The following HSD17B6 variants were observed in gnomAD, a reference collection of about 807,000 sequenced individuals.
HSD17B6 encodes hydroxysteroid 17-beta dehydrogenase 6.
HSD17B6 carries 16 observed loss-of-function variants against 26.4 expected under a neutral mutation model. The ratio of observed to expected loss-of-function variants is 0.61; its 90% confidence interval spans 0.41 to 0.92. HSD17B6 has a LOEUF of 0.92. HSD17B6 is among the 40% of genes least tolerant of loss of function. The probability of loss-of-function intolerance (pLI) is 0.00; values close to 1 mark genes in which losing one functional copy is unlikely to be tolerated. For missense variants in HSD17B6, 357 were observed against 386.1 expected (o/e 0.92, Z 0.63); for synonymous variants, 139 against 153.0 (o/e 0.91, Z 0.68).
chr12:56,782,933 T>C (rs1307948265), intron 3 of HSD17B6, among the ~76,000 whole-genome samples: 2 of 152,152 alleles, frequency 1.3e-5, no homozygotes, highest in South Asian at 2.1e-4. Flanking sequence ...ACACAGCACA[T>C]GTTTCAGAGA....
At chr12:56,765,144 A>T (rs998644014) in intron 1 of HSD17B6, among the ~76,000 whole-genome samples, 4 of 151,022 alleles carry the variant, frequency 2.6e-5, no homozygotes, top group South Asian at 4.2e-4. Flanking sequence ...ATTTAAGAAA[A>T]TTTTTTTTTA....
chr12:56,775,485 T>C (rs1054524866), intron 2 of HSD17B6, among the ~76,000 whole-genome samples: 3 of 152,212 alleles, frequency 2.0e-5, no homozygotes, highest in Non-Finnish European at 4.4e-5. Flanking sequence ...ACTTAAAATA[T>C]AGGCATTTCT....
chr12:56,764,099 A>G (rs1344025797), intron 1 of HSD17B6, among the ~76,000 whole-genome samples: 1 of 150,268 alleles, frequency 6.7e-6, no homozygotes, highest in Non-Finnish European at 1.5e-5. Flanking sequence ...AAGAAGAAAG[A>G]AAAAAAGAAA....
chr12:56,767,674 TTA>T (rs1954368064), intron 1 of HSD17B6, among the ~76,000 whole-genome samples: 1 of 144,560 alleles, frequency 6.9e-6, no homozygotes, highest in South Asian at 2.1e-4. Context: ...AGTGTATATA[TTA>T]TATATACACA....
chr12:56,784,591 C>T (rs1954833533), intron 3 of HSD17B6, among the ~76,000 whole-genome samples: 1 of 152,082 alleles, frequency 6.6e-6, no homozygotes. Context: ...GCAGGAGAAT[C>T]AGGCAGGGAG....
intron 2 of HSD17B6, among the ~76,000 whole-genome samples, chr12:56,776,029 G>A (rs1458497499): frequency 2.6e-5 from 4 of 152,114 alleles, no homozygotes; most frequent in Non-Finnish European, 5.9e-5. Flanking sequence ...GGCTTCAAGC[G>A]ATTCGCCTTT....
At chr12:56,776,095 T>G (rs1288759113) in intron 2 of HSD17B6, among the ~76,000 whole-genome samples, 1 of 151,172 alleles carries the variant, frequency 6.6e-6, no homozygotes, top group East Asian at 2.0e-4. Context: ...CGGGCTAATT[T>G]TTATATTTTT....
rs1401397544 is a variant in HSD17B6 at position 56,787,137 on chromosome 12, TGAAG to T, written c.755_758del (p.Glu252GlyfsTer3). On this transcript the variant is annotated frameshift_variant, in exon 5 of 5. Transcript: ENST00000322165. LOFTEE classifies it low-confidence loss of function (END_TRUNC). Reference sequence around the variant, plus strand: ...TTTTTGTATACAGTTTACAATATCATGAAGGAAGGGCTGTTGAATTGTAGCACAA... The same window carrying T: ...TTTTTGTATACAGTTTACAATATCATGAAGGGCTGTTGAATTGTAGCACAA... The T allele has an allele frequency of 1.9e-6, 3 of 1,613,128 alleles. No individual in the cohort carries two copies. The highest frequency in any genetic ancestry group is 2.5e-6 in the Non-Finnish European group (3 of 1,179,050).
At chr12:56,783,564 C>T (rs1047438232) in intron 3 of HSD17B6, among the ~76,000 whole-genome samples, 180 of 141,508 alleles carry the variant, frequency 1.3e-3, no homozygotes, top group Admixed American at 4.5e-3. Flanking sequence ...ACCTCCCTCC[C>T]GGACAGGACG....
intron 1 of HSD17B6, among the ~76,000 whole-genome samples, chr12:56,770,806 G>A (rs981787571): frequency 1.1e-3 from 160 of 152,208 alleles, no homozygotes; most frequent in African/African-American, 3.5e-3. Context: ...CATGGGGCAG[G>A]TTAAATCAGG....
chr12:56,767,639 AATATATTAT>A (rs1209915623), intron 1 of HSD17B6, among the ~76,000 whole-genome samples: 31 of 140,458 alleles, frequency 2.2e-4, no homozygotes, highest in African/African-American at 6.5e-4. Flanking sequence ...ATATTATATT[AATATATTAT>A]ATATATTATA....
At chr12:56,765,927 C>A (rs1329649341) in intron 1 of HSD17B6, among the ~76,000 whole-genome samples, 2 of 152,128 alleles carry the variant, frequency 1.3e-5, no homozygotes, top group Non-Finnish European at 2.9e-5. Context: ...GCCATCACAT[C>A]CCCTGTGACC....
intron 4 of HSD17B6, chr12:56,785,942 A>G (rs575152381): frequency 1.0e-5 from 10 of 985,190 alleles, no homozygotes; most frequent in East Asian, 2.3e-4. Context: ...TCAATTTCCT[A>G]TAAGAATATT....
In HSD17B6 at chr12:56,782,248, AC is replaced by A. The variant is rs781198023; in HGVS notation, c.572+17del. ...ATATTCTGAGGTAACTTAAGTTAAA[AC>A]AAAAACAGCTATTGAGCACTGAAAT... On this transcript the variant is annotated intron_variant, in intron 3 of 4. Transcript: ENST00000322165. 1 of 1,611,090 alleles carries A rather than the reference AC, an allele frequency of 6.2e-7. No individual in the cohort carries two copies. Among genetic ancestry groups the A allele is most frequent in the South Asian group, 1.1e-5 (1 of 90,800 alleles).
At chr12:56,777,514 G>A (rs1416131799) in intron 2 of HSD17B6, among the ~76,000 whole-genome samples, 5 of 151,998 alleles carry the variant, frequency 3.3e-5, no homozygotes, top group East Asian at 3.9e-4. Flanking sequence ...ACAGGCGCCC[G>A]CCACCATACC....
At chr12:56,784,235 G>T (rs1259072028) in intron 3 of HSD17B6, among the ~76,000 whole-genome samples, 1 of 151,864 alleles carries the variant, frequency 6.6e-6, no homozygotes, top group Non-Finnish European at 1.5e-5. Flanking sequence ...CCAGATGATG[G>T]GTGGCCAGGC....
chr12:56,769,636 A>G (rs1954427083), intron 1 of HSD17B6, among the ~76,000 whole-genome samples: 1 of 152,236 alleles, frequency 6.6e-6, no homozygotes, highest in African/African-American at 2.4e-5. Flanking sequence ...TATTTACCAT[A>G]GCAGGAAGTT....
chr12:56,784,285 C>G (rs533750620), intron 3 of HSD17B6, among the ~76,000 whole-genome samples: 1,581 of 152,284 alleles, frequency 0.01, 15 homozygotes, highest in Admixed American at 0.017. Flanking sequence ...GGCAGCCGGG[C>G]AGAGGCTGCA....
At position 56,784,900 on chromosome 12, in the gene HSD17B6, G is replaced by A. The variant is rs1441189679; in HGVS notation, c.620G>A (p.Gly207Asp). 6.2e-7 allele frequency: 1 copy of A among 1,614,040 alleles called. No homozygotes were observed. The highest frequency in any genetic ancestry group is 1.7e-5 in the Admixed American group (1 of 60,008). Residue 207 changes from glycine to aspartate, a missense_variant, in exon 4 of 5, where the codon GGC (glycine) becomes GAC (aspartate). Transcript: ENST00000322165. ...GTGAAAATCAGCATAGTTGAACCTG[G>A]CTACTTCAGAACGGGAATGACAAAC... is the stretch of plus-strand genomic sequence containing the variant. ...FGVKISIVEP[G>D]YFRTGMTNMT...
Sources: gnomAD v4.1 joint callset for allele counts (sites outside exome capture counted in the v4.1 genomes callset) on GRCh38, gnomAD v4.1.1 for gene constraint, MANE v1.5 for transcripts, NCBI Gene and HGNC (gene_info 2026-07-23, HGNC 2026-07-21) for gene names.